TMTC1: variants seen among roughly 807,000 people sequenced by gnomAD.
TMTC1 encodes the protein transmembrane O-mannosyltransferase targeting cadherins 1.
TMTC1 carries 73 observed loss-of-function variants against 104.8 expected under a neutral mutation model. That is an observed-to-expected ratio of 0.70 (90% CI 0.58 to 0.85). The LOEUF (loss-of-function observed/expected upper bound fraction) is 0.85, where lower values mean the gene tolerates loss of function less well. Ranked by LOEUF, TMTC1 falls within the 40% of genes least tolerant of loss-of-function variation. The pLI, the probability that TMTC1 is intolerant of heterozygous loss-of-function variation, is 0.00. For missense variants in TMTC1, 1,035 were observed against 1,096.1 expected (o/e 0.94, Z 0.79); for synonymous variants, 434 against 428.7 (o/e 1.01, Z -0.15).
At chr12:29,585,761 T>C (rs1175704920) in intron 7 of TMTC1, among the ~76,000 whole-genome samples, 1 of 152,236 alleles carries the variant, frequency 6.6e-6, no homozygotes, top group Non-Finnish European at 1.5e-5. Context: ...ATATGCAGCA[T>C]TATTTCTGAA....
chr12:29,710,265 C>A (rs1941864261), intron 5 of TMTC1, among the ~76,000 whole-genome samples: 1 of 152,176 alleles, frequency 6.6e-6, no homozygotes, highest in Middle Eastern at 3.4e-3. Context: ...AATCTCCAGG[C>A]CTGTTAGGAC....
At chr12:29,549,884 G>A (rs1156529565) in intron 10 of TMTC1, among the ~76,000 whole-genome samples, 1 of 152,104 alleles carries the variant, frequency 6.6e-6, no homozygotes, top group Admixed American at 6.6e-5. Context: ...TTTCCATGTA[G>A]GGATCCCATT....
intron 11 of TMTC1, among the ~76,000 whole-genome samples, chr12:29,527,270 A>T (rs933622051): frequency 1.3e-5 from 2 of 152,254 alleles, no homozygotes; most frequent in Non-Finnish European, 2.9e-5. Context: ...TGAGAAAGAC[A>T]ACATGAGACA....
chr12:29,691,261 C>A (rs1189046402), intron 5 of TMTC1, among the ~76,000 whole-genome samples: 3 of 152,162 alleles, frequency 2.0e-5, no homozygotes, highest in African/African-American at 7.2e-5. Context: ...CCCAGACCAG[C>A]AATCTGGCTC....
chr12:29,753,991 C>G (rs541550711), intron 4 of TMTC1, among the ~76,000 whole-genome samples: 1 of 152,124 alleles, frequency 6.6e-6, no homozygotes, highest in Non-Finnish European at 1.5e-5. Flanking sequence ...CTCAGCCTCC[C>G]GAGTAGCTGG....
chr12:29,660,899 GA>G (rs1346283720), intron 5 of TMTC1: 27 of 1,470,380 alleles, frequency 1.8e-5, no homozygotes, highest in Admixed American at 6.8e-5. Context: ...AAACGGGAAA[GA>G]AAAAAAATCT....
intron 5 of TMTC1, among the ~76,000 whole-genome samples, chr12:29,681,587 G>C (rs991580726): frequency 6.6e-6 from 1 of 152,068 alleles, no homozygotes; most frequent in Non-Finnish European, 1.5e-5. Context: ...AAATTCAGTG[G>C]ACAGAGGCAC....
At chr12:29,666,690 A>C (rs908572745) in intron 5 of TMTC1, among the ~76,000 whole-genome samples, 3 of 152,122 alleles carry the variant, frequency 2.0e-5, no homozygotes, top group African/African-American at 7.2e-5. Context: ...CCGGAATACT[A>C]ATGATTTCAA....
At chr12:29,684,024 CAT>C (rs934283215) in intron 5 of TMTC1, among the ~76,000 whole-genome samples, 6 of 151,994 alleles carry the variant, frequency 3.9e-5, no homozygotes, top group African/African-American at 1.2e-4. Context: ...TTTATATTTT[CAT>C]AGAGACAGGG....
intron 5 of TMTC1, among the ~76,000 whole-genome samples, chr12:29,742,744 G>A (rs1942859119): frequency 6.6e-6 from 1 of 152,152 alleles, no homozygotes; most frequent in Non-Finnish European, 1.5e-5. Flanking sequence ...GCATTCATCA[G>A]TTAAGAATTA....
Position 29,514,608 on chromosome 12 carries a change from C to G in TMTC1, c.2308-4G>C, listed in dbSNP as rs764282407. Reference sequence around the variant, plus strand: ...CCTTGTCTATAGCATCAAGTGCCTGCAGAGGTTGGAAATTAAGACAGAATA... The same window carrying G: ...CCTTGTCTATAGCATCAAGTGCCTGGAGAGGTTGGAAATTAAGACAGAATA... On this transcript the variant is annotated splice_polypyrimidine_tract_variant and splice_region_variant and intron_variant, in intron 15 of 17. Transcript: ENST00000539277. The G allele has an allele frequency of 1.9e-6, 3 of 1,604,930 alleles. No individual in the cohort carries two copies. In the East Asian group the frequency reaches 6.7e-5, roughly 36 times the overall value.
chr12:29,739,455 T>C (rs192967782), intron 5 of TMTC1, among the ~76,000 whole-genome samples: 1 of 152,326 alleles, frequency 6.6e-6, no homozygotes, highest in East Asian at 1.9e-4. Flanking sequence ...AGGTCACCTC[T>C]CCTGTGATCT....
chr12:29,772,942 A>C (rs1412122591), intron 1 of TMTC1, among the ~76,000 whole-genome samples: 1 of 152,224 alleles, frequency 6.6e-6, no homozygotes, highest in African/African-American at 2.4e-5. Flanking sequence ...TACTGAACTT[A>C]CATTAAGTTG....
At chr12:29,680,637 T>A (rs1940882851) in intron 5 of TMTC1, among the ~76,000 whole-genome samples, 1 of 152,186 alleles carries the variant, frequency 6.6e-6, no homozygotes, top group Admixed American at 6.5e-5. Context: ...AAATGTCCCA[T>A]AAATACCTGA....
At chr12:29,643,732 A>ATATTTATTATAATATAAATATATAT (rs1555180826) in intron 5 of TMTC1, among the ~76,000 whole-genome samples, 1 of 25,792 alleles carries the variant, frequency 3.9e-5, no homozygotes, top group Non-Finnish European at 6.6e-5. Flanking sequence ...ATAAATATAT[A>ATATTTATTATAATATAAATATATAT]TTATAATAAA....
intron 5 of TMTC1, among the ~76,000 whole-genome samples, chr12:29,693,176 G>A (rs566652623): frequency 1.4e-5 from 2 of 144,088 alleles, no homozygotes; most frequent in Non-Finnish European, 3.0e-5. Flanking sequence ...AAATACATAC[G>A]ATGTGTACTG....
At chr12:29,729,010 A>AC (rs1181635623) in intron 5 of TMTC1, among the ~76,000 whole-genome samples, 1 of 150,640 alleles carries the variant, frequency 6.6e-6, no homozygotes, top group Non-Finnish European at 1.5e-5. Context: ...AAAAAAAAAA[A>AC]AAAAAAAGCA....
In TMTC1 at chr12:29,722,589, C is replaced by T. The variant is rs140064111; in HGVS notation, c.938+29077G>A. On this transcript the variant is annotated intron_variant, in intron 5 of 17. Coordinates refer to ENST00000539277, the MANE Select transcript of TMTC1 (RefSeq NM_001193451.2). ...TTAAAGATGGTATGATTGTATATGT[C>T]GATGATCTAAAAGATTCTATTCATG... Among the ~76,000 whole-genome samples the T allele has an allele frequency of 2.5e-3, 374 of 152,096 alleles. 2 individuals carry two copies. Among genetic ancestry groups the T allele is most frequent in the African/African-American group, 8.4e-3 (349 of 41,500 alleles).
At chr12:29,748,244 T>C (rs1565811131) in intron 5 of TMTC1, among the ~76,000 whole-genome samples, 1 of 152,076 alleles carries the variant, frequency 6.6e-6, no homozygotes, top group Non-Finnish European at 1.5e-5. Flanking sequence ...CTACCTGAGG[T>C]TAAAAAGATG....
Sources: allele counts gnomAD v4.1 joint callset (sites outside exome capture counted in the v4.1 genomes callset), GRCh38; gene constraint gnomAD v4.1.1; transcripts MANE v1.5; gene names NCBI Gene and HGNC (gene_info 2026-07-23, HGNC 2026-07-21).